The following RFX7 variants were observed in gnomAD, a reference collection of about 807,000 sequenced individuals.
RFX7 encodes DNA-binding protein RFX7.
A neutral mutation model predicts 111.8 loss-of-function variants in RFX7; 26 were observed. The ratio of observed to expected loss-of-function variants is 0.23; its 90% CI spans 0.17 to 0.32. RFX7 has a LOEUF of 0.32. Ranked by LOEUF, RFX7 falls within the 10% of genes least tolerant of loss-of-function variation. The pLI is 1.00. For synonymous variants in RFX7, 624 were observed against 624.4 expected (o/e 1.00, Z 0.01); for missense variants, 1,573 against 1,772.9 (o/e 0.89, Z 2.02).
intron 5 of RFX7, among the ~76,000 whole-genome samples, chr15:56,134,654 A>T (rs181139921): frequency 0.075 from 10,486 of 140,274 alleles, 461 homozygotes; most frequent in Non-Finnish European, 0.1. Flanking sequence ...GTTTTAGGGT[A>T]CATGTGCACA....
intron 5 of RFX7, among the ~76,000 whole-genome samples, chr15:56,104,177 G>C (rs1465160294): frequency 2.6e-5 from 4 of 152,146 alleles, no homozygotes; most frequent in Non-Finnish European, 5.9e-5. Context: ...AAACAGGCAA[G>C]GGGAGAGGTT....
rs2042799401 is a variant in RFX7 at position 56,167,704 on chromosome 15, CCAA to C, written c.195+11563_195+11565del. Reference sequence around the variant, plus strand: ...CTACAAATATTTTCATTTGTCTTTACCAATAAACAGATAAATTTTTTCATAGCT... The same window carrying C: ...CTACAAATATTTTCATTTGTCTTTACTAAACAGATAAATTTTTTCATAGCT... On this transcript the variant is annotated intron_variant, in intron 3 of 9. Coordinates refer to ENST00000559447, the MANE Select transcript of RFX7 (RefSeq NM_022841.7). Among the ~76,000 whole-genome samples the C allele has an allele frequency of 3.3e-5, 5 of 152,198 alleles. No homozygotes were observed. The South Asian group carries it at 1.0e-3, about 32-fold the overall frequency.
chr15:56,174,023 A>G (rs2042874484), intron 3 of RFX7, among the ~76,000 whole-genome samples: 1 of 152,166 alleles, frequency 6.6e-6, no homozygotes, highest in African/African-American at 2.4e-5. Flanking sequence ...CACACCTGTA[A>G]TCCCAGCACT....
chr15:56,107,335 GTTTT>G (rs372523526), intron 5 of RFX7, among the ~76,000 whole-genome samples: 1 of 114,638 alleles, frequency 8.7e-6, no homozygotes, highest in Non-Finnish European at 1.8e-5. Flanking sequence ...AGAAAGAATT[GTTTT>G]TTTTTTTCTC....
intron 5 of RFX7, among the ~76,000 whole-genome samples, chr15:56,134,124 C>A (rs1290304180): frequency 2.0e-5 from 3 of 152,160 alleles, no homozygotes; most frequent in South Asian, 2.1e-4. Flanking sequence ...ACCTTCTTAA[C>A]CTATTATGAA....
chr15:56,143,052 A>C (rs150229262), intron 4 of RFX7, among the ~76,000 whole-genome samples, 152 bp from the exon 5 acceptor site: 48 of 152,214 alleles, frequency 3.2e-4, no homozygotes, highest in Admixed American at 4.6e-4. Flanking sequence ...TTGTCCACCT[A>C]TGGTTGTGAG....
At chr15:56,115,465 GT>G (rs2041998389) in intron 5 of RFX7, among the ~76,000 whole-genome samples, 1 of 152,202 alleles carries the variant, frequency 6.6e-6, no homozygotes, top group African/African-American at 2.4e-5. Flanking sequence ...TGTCTGCTTA[GT>G]GTATTCAGGC....
chr15:56,163,710 C>A (rs1462566396), intron 3 of RFX7, among the ~76,000 whole-genome samples: 1 of 152,124 alleles, frequency 6.6e-6, no homozygotes, highest in East Asian at 1.9e-4. Context: ...TGATCTATAG[C>A]AGAGACTCAA....
At chr15:56,242,322 G>A (rs546635089) in intron 2 of RFX7, among the ~76,000 whole-genome samples, 1 of 152,296 alleles carries the variant, frequency 6.6e-6, no homozygotes, top group African/African-American at 2.4e-5. Context: ...GGCTCTAACA[G>A]TGGATGGACT....
chr15:56,234,053 G>A (rs1348657495), intron 2 of RFX7, among the ~76,000 whole-genome samples: 1 of 152,142 alleles, frequency 6.6e-6, no homozygotes, highest in Non-Finnish European at 1.5e-5. Flanking sequence ...TGTTAAGTGT[G>A]TTTGGATTTA....
Position 56,094,925 on chromosome 15 carries a change from A to G in RFX7, c.2803T>C (p.Tyr935His), listed in dbSNP as rs1201230563. The G allele has an allele frequency of 1.3e-6, 2 of 1,589,422 alleles. No individual in the cohort carries two copies. The highest frequency in any genetic ancestry group is 1.7e-6 in the Non-Finnish European group (2 of 1,167,864). The change falls in exon 10 of 10, where the codon TAT becomes CAT. Residue 935 changes from tyrosine (Y) to histidine (H), a missense_variant. Transcript: ENST00000559447. ...GTGCCATTGCTGTGGATTGGATGAT[A>G]GAAGTGGGTGCTGGAAGTGTGAGAT... ...MSSHTSSTHF[Y>H]HPIHSNGTPI... is the part of the protein sequence containing the mutation.
chr15:56,189,460 A>G (rs2043078367), intron 2 of RFX7, among the ~76,000 whole-genome samples: 1 of 152,180 alleles, frequency 6.6e-6, no homozygotes. Context: ...GACAGTAAAA[A>G]AAAAACAACT....
chr15:56,236,503 C>G (rs533695305), intron 2 of RFX7, among the ~76,000 whole-genome samples: 1 of 152,260 alleles, frequency 6.6e-6, no homozygotes, highest in East Asian at 1.9e-4. Context: ...ATAGGAGGCA[C>G]TGGACAAGAG....
intron 5 of RFX7, among the ~76,000 whole-genome samples, chr15:56,132,789 G>A (rs568538345): frequency 2.0e-5 from 3 of 151,968 alleles, no homozygotes; most frequent in Admixed American, 2.0e-4. Context: ...TAAAAGGCTA[G>A]AACAAACATA....
At chr15:56,160,033 A>G (rs1171528418) in intron 3 of RFX7, among the ~76,000 whole-genome samples, 3 of 152,278 alleles carry the variant, frequency 2.0e-5, no homozygotes, top group African/African-American at 2.4e-5. Context: ...TGTAACGACA[A>G]TCTTCCCTCT....
chr15:56,221,915 C>A (rs2043430811), intron 2 of RFX7, among the ~76,000 whole-genome samples: 1 of 152,122 alleles, frequency 6.6e-6, no homozygotes, highest in Non-Finnish European at 1.5e-5. Context: ...AAAATATGTA[C>A]TTTAAAAAAG....
intron 6 of RFX7, 31 bp from the exon 7 acceptor site, chr15:56,102,284 A>G: frequency 7.6e-7 from 1 of 1,320,176 alleles, no homozygotes; most frequent in Non-Finnish European, 1.1e-6. Flanking sequence ...AAATATTCAA[A>G]ATTAAATGAA....
At chr15:56,207,796 A>C (rs1204517091) in intron 2 of RFX7, among the ~76,000 whole-genome samples, 1 of 152,192 alleles carries the variant, frequency 6.6e-6, no homozygotes, top group Non-Finnish European at 1.5e-5. Flanking sequence ...GCCGAAAAAA[A>C]CTGAAAAATC....
At chr15:56,131,820 TGAA>T (rs774908258) in intron 5 of RFX7, among the ~76,000 whole-genome samples, 96 of 152,102 alleles carry the variant, frequency 6.3e-4, no homozygotes, top group Non-Finnish European at 1.2e-3. Context: ...GTAAAGACAA[TGAA>T]GAAGATTCAC....
Sources: gnomAD v4.1 joint callset for allele counts (sites outside exome capture counted in the v4.1 genomes callset) on GRCh38, gnomAD v4.1.1 for gene constraint, MANE v1.5 for transcripts, NCBI Gene and HGNC (gene_info 2026-07-23, HGNC 2026-07-21) for gene names.